The following GLP2R variants were observed in gnomAD, a reference collection of about 807,000 sequenced individuals.
The protein encoded by GLP2R is glucagon like peptide 2 receptor.
GLP2R carries 59 observed loss-of-function variants against 68.2 expected under a neutral mutation model. That is an observed-to-expected ratio of 0.87 (90% CI 0.70 to 1.07). The LOEUF (loss-of-function observed/expected upper bound fraction) is 1.07, where lower values mean the gene tolerates loss of function less well. GLP2R is among the 50% of genes least tolerant of loss of function. The pLI is 0.00. For synonymous variants in GLP2R, 270 were observed against 265.4 expected (o/e 1.02, Z -0.17); for missense variants, 548 against 677.4 (o/e 0.81, Z 2.12).
At chr17:9,877,155 C>T (rs1160253730) in intron 10 of GLP2R, among the ~76,000 whole-genome samples, 8 of 152,212 alleles carry the variant, frequency 5.3e-5, no homozygotes, top group African/African-American at 1.9e-4. Flanking sequence ...ACTATATTCA[C>T]TCATGTGCCA....
At position 9,870,966 on chromosome 17, in the gene GLP2R, G is replaced by T. The variant is rs766408259; in HGVS notation, c.1145+131G>T. The T allele has an allele frequency of 8.0e-6, 5 of 622,430 alleles. No individual in the cohort carries two copies. In the Admixed American group the frequency reaches 8.4e-5, roughly 10 times the overall value. The allele number at this position is 622,430 out of a possible 1,614,324, so 38.6% of individuals were successfully genotyped here. On this transcript the variant is annotated intron_variant, in intron 10 of 12. Coordinates refer to ENST00000262441, the MANE Select transcript of GLP2R (RefSeq NM_004246.3). ...TCAGAAAGAGCAGTTCTGGGAAGGT[G>T]CTATAGGATCAAGTGAGGCTTTTGT...
chr17:9,832,259 G>C (rs57677751), intron 1 of GLP2R, among the ~76,000 whole-genome samples: 2 of 151,968 alleles, frequency 1.3e-5, no homozygotes, highest in Non-Finnish European at 2.9e-5. Flanking sequence ...GAAATGTAGC[G>C]AAATCCTGTC....
intron 11 of GLP2R, among the ~76,000 whole-genome samples, chr17:9,884,437 C>T (rs6503263): frequency 0.06 from 9,202 of 152,166 alleles, 943 homozygotes; most frequent in African/African-American, 0.21. Context: ...AGAGGTTAAG[C>T]CCCTGCCTGT....
intron 3 of GLP2R, among the ~76,000 whole-genome samples, chr17:9,836,886 G>T (rs538815734): frequency 6.6e-6 from 1 of 151,928 alleles, no homozygotes; most frequent in South Asian, 2.1e-4. Context: ...ATCTCGCTCT[G>T]TCGCCCAGGC....
At chr17:9,883,491 C>G (rs928287592) in intron 11 of GLP2R, among the ~76,000 whole-genome samples, 1 of 152,102 alleles carries the variant, frequency 6.6e-6, no homozygotes, top group African/African-American at 2.4e-5. Context: ...AAATGTTAAT[C>G]TACACATCCA....
intron 3 of GLP2R, among the ~76,000 whole-genome samples, chr17:9,839,862 C>T (rs2066768974): frequency 6.6e-6 from 1 of 152,166 alleles, no homozygotes; most frequent in African/African-American, 2.4e-5. Context: ...CAGGCTCTGG[C>T]CATGCTCCTC....
In GLP2R at chr17:9,864,674, C is replaced by A. The variant is rs187937929; in HGVS notation, c.1056+2584C>A. Among the ~76,000 whole-genome samples, 992 of 152,166 alleles carry A rather than the reference C, an allele frequency of 6.5e-3. 11 individuals are homozygous for A. Among genetic ancestry groups the A allele is most frequent in the Non-Finnish European group, 6.7e-3 (456 of 68,010 alleles). ...AGTAGTTGGGACTACAGGCTTCCACCACCACACCCGGCTAATTTTTGTATT... is the reference window on the plus strand; with the variant it reads ...AGTAGTTGGGACTACAGGCTTCCACAACCACACCCGGCTAATTTTTGTATT... On this transcript the variant is annotated intron_variant, in intron 9 of 12. Coordinates refer to ENST00000262441, the MANE Select transcript of GLP2R (RefSeq NM_004246.3).
intron 3 of GLP2R, 66 bp from the exon 4 acceptor site, chr17:9,842,429 T>C (rs2066795618): frequency 1.2e-5 from 20 of 1,606,342 alleles, no homozygotes; most frequent in Non-Finnish European, 1.7e-5. Context: ...TCCACAGCTC[T>C]GTGGCATGCT....
chr17:9,870,648 T>TGAACTGATG, intron 9 of GLP2R, 99 bp from the exon 10 acceptor site: 3 of 725,086 alleles, frequency 4.1e-6, no homozygotes, highest in Non-Finnish European at 7.6e-6. Context: ...TGGTTTACAT[T>TGAACTGATG]GAACTGATGG....
chr17:9,870,982 A>G, intron 10 of GLP2R, 147 bp downstream of exon 10: 1 of 591,632 alleles, frequency 1.7e-6, no homozygotes. Context: ...GGATCAAGTG[A>G]GGCTTTTGTC....
chr17:9,860,025 C>A lies in GLP2R; in HGVS notation c.849C>A (p.Leu283=), dbSNP rs774116566. ...ANYLWLLVEG[L]YLHTLLEPTV... ...ACTTATGGCTGCTGGTTGAAGGCCT[C>A]TACCTCCACACGCTGCTGGAGCCCA... Residue 283 remains leucine (L), a synonymous_variant, in exon 7 of 13, where the codon CTC becomes CTA. Transcript: ENST00000262441. 5.6e-6 allele frequency: 9 copies of A among 1,613,784 alleles called. No homozygotes were observed. The highest frequency in any genetic ancestry group is 7.6e-6 in the Non-Finnish European group (9 of 1,179,944).
At chr17:9,859,840 A>G in intron 6 of GLP2R, 102 bp from the exon 7 acceptor site, 1 of 689,772 alleles carries the variant, frequency 1.4e-6, no homozygotes, top group South Asian at 3.3e-5. Flanking sequence ...AAAAAAAAAA[A>G]AAAAAAGAGG....
intron 4 of GLP2R, among the ~76,000 whole-genome samples, chr17:9,843,845 G>T (rs1367195981): frequency 6.6e-6 from 1 of 152,196 alleles, no homozygotes; most frequent in Non-Finnish European, 1.5e-5. Flanking sequence ...ATATACGATG[G>T]GTTAGGTTTT....
chr17:9,850,517 G>A (rs2066881307), intron 4 of GLP2R, among the ~76,000 whole-genome samples: 1 of 152,076 alleles, frequency 6.6e-6, no homozygotes, highest in South Asian at 2.1e-4. Context: ...ATCGATGACT[G>A]GCAAGATTTG....
rs2067139190 is a variant in GLP2R at position 9,875,970 on chromosome 17, C to T, written c.1146-4408C>T. On this transcript the variant is annotated intron_variant, in intron 10 of 12. Transcript: ENST00000262441. Reference sequence around the variant, plus strand: ...TTGGCTCAGCACAACTTCCGTCTCCCAGGTTCAAGTGATTCTCCTGCCCCA... The same window carrying T: ...TTGGCTCAGCACAACTTCCGTCTCCTAGGTTCAAGTGATTCTCCTGCCCCA... Among the ~76,000 whole-genome samples the T allele has an allele frequency of 2.6e-5, 4 of 152,188 alleles. No homozygotes were observed. The South Asian group carries it at 8.3e-4, about 32-fold the overall frequency.
At chr17:9,832,453 C>T (rs2152029759) in intron 1 of GLP2R, among the ~76,000 whole-genome samples, 1 of 152,248 alleles carries the variant, frequency 6.6e-6, no homozygotes, top group East Asian at 1.9e-4. Flanking sequence ...ATTTCACCTA[C>T]TCAGGAGGTG....
In GLP2R at chr17:9,857,444, C is replaced by T; in HGVS notation, c.633C>T (p.Asn211=). 2 of 1,614,184 alleles carry T rather than the reference C, an allele frequency of 1.2e-6. No individual in the cohort carries two copies. Among genetic ancestry groups the T allele is most frequent in the South Asian group, 1.1e-5 (1 of 91,078 alleles). Residue 211 remains asparagine, a synonymous_variant, in exon 6 of 13, where the codon AAC becomes AAT. Coordinates refer to ENST00000262441, the MANE Select transcript of GLP2R (RefSeq NM_004246.3). ...LFLRKLHCTR[N]YIHMNLFASF... ...ACAGAAAACTCCACTGCACGCGCAA[C>T]TACATCCACATGAACTTGTTTGCTT...
rs1455921671 is a variant in GLP2R, at chr17:9,889,596, A to C, written c.1553A>C (p.Gln518Pro). ...RGLGELGAQP[Q>P]QDHARWPRGS... ...CTTGGGGAGCTGGGCGCCCAGCCCC[A>C]ACAGGACCATGCACGCTGGCCCCGG... The change falls in exon 13 of 13, where the codon CAA becomes CCA. Residue 518 changes from glutamine (Q) to proline (P), a missense_variant. Gln to Pro is a moderately conservative substitution (Grantham distance 76, BLOSUM62 -1). Transcript: ENST00000262441. 1 of 1,613,976 alleles carries C rather than the reference A, an allele frequency of 6.2e-7. No individual in the cohort carries two copies. Among genetic ancestry groups the C allele is most frequent in the Non-Finnish European group, 8.5e-7 (1 of 1,179,970 alleles).
In GLP2R at chr17:9,880,450, T is replaced by C. The variant is rs779702012; in HGVS notation, c.1218T>C (p.Asp406=). ...AGATCCTCTTCTCTTTCATCACTGA[T>C]GATCAAGTTGAAGGATTTGCAAAAC... ...VHEILFSFIT[D]DQVEGFAKLI... Residue 406 remains aspartate (D), a synonymous_variant, in exon 11 of 13, where the codon GAT becomes GAC. Transcript: ENST00000262441. 1.9e-6 allele frequency: 3 copies of C among 1,599,292 alleles called. No homozygotes were observed. The highest frequency in any genetic ancestry group is 1.1e-5 in the South Asian group (1 of 89,662).
Sources: gnomAD v4.1 joint callset for allele counts (sites outside exome capture counted in the v4.1 genomes callset) on GRCh38, gnomAD v4.1.1 for gene constraint, MANE v1.5 for transcripts, NCBI Gene and HGNC (gene_info 2026-07-23, HGNC 2026-07-21) for gene names.